The following LTBP2 variants were observed in gnomAD, a reference collection of about 807,000 sequenced individuals.
The protein encoded by LTBP2 is latent transforming growth factor beta binding protein 2.
LTBP2 carries 103 observed loss-of-function variants against 210.6 expected under a neutral mutation model. The observed-to-expected ratio is 0.49, with a 90% CI of 0.42 to 0.58. The LOEUF is 0.58. LTBP2 is among the 20% of genes least tolerant of loss of function. The probability of loss-of-function intolerance (pLI) is 0.00; values close to 1 mark genes in which losing one functional copy is unlikely to be tolerated. For synonymous variants in LTBP2, 1,007 were observed against 1,015.0 expected (o/e 0.99, Z 0.15); for missense variants, 2,313 against 2,494.5 (o/e 0.93, Z 1.55).
At chr14:74,600,260 G>T (rs1417711715) in intron 2 of LTBP2, among the ~76,000 whole-genome samples, 1 of 152,248 alleles carries the variant, frequency 6.6e-6, no homozygotes, top group Non-Finnish European at 1.5e-5. Flanking sequence ...CCACGGGCGA[G>T]CCAACTTCAA....
At chr14:74,590,469 G>T (rs567693024) in intron 2 of LTBP2, among the ~76,000 whole-genome samples, 1 of 152,318 alleles carries the variant, frequency 6.6e-6, no homozygotes, top group South Asian at 2.1e-4. Flanking sequence ...ACCAGGTGTG[G>T]TGGCAGGTGC....
chr14:74,541,721 C>A (rs760724917), intron 8 of LTBP2, among the ~76,000 whole-genome samples: 1 of 151,684 alleles, frequency 6.6e-6, no homozygotes, highest in Admixed American at 6.6e-5. Flanking sequence ...TCCTAGGAAA[C>A]CTCTACCCTG....
intron 3 of LTBP2, among the ~76,000 whole-genome samples, chr14:74,561,116 C>T (rs560398533): frequency 9.2e-5 from 14 of 152,094 alleles, no homozygotes; most frequent in Non-Finnish European, 1.5e-4. Flanking sequence ...GTCAGGAGTT[C>T]GAGACCAGCC....
chr14:74,528,885 C>A, intron 11 of LTBP2, 73 bp downstream of exon 11: 1 of 1,576,222 alleles, frequency 6.3e-7, no homozygotes. Flanking sequence ...GGGAAGTCTA[C>A]CCAGGCCTGG....
intron 25 of LTBP2, 43 bp from the exon 26 acceptor site, chr14:74,507,353 G>C: frequency 6.2e-7 from 1 of 1,613,148 alleles, no homozygotes; most frequent in Non-Finnish European, 8.5e-7. Flanking sequence ...GAGGTGGCCA[G>C]GTCACTGCTG....
At chr14:74,507,426 T>C in intron 25 of LTBP2, 116 bp from the exon 26 acceptor site, 1 of 1,400,258 alleles carries the variant, frequency 7.1e-7, no homozygotes, top group Non-Finnish European at 1.0e-6. Context: ...ATTACTGTGC[T>C]CATCCCAACC....
chr14:74,510,802 G>A (rs147386723), intron 19 of LTBP2, among the ~76,000 whole-genome samples: 1 of 152,218 alleles, frequency 6.6e-6, no homozygotes, highest in Non-Finnish European at 1.5e-5. Context: ...AAGAGCACAC[G>A]CCTCCTACTG....
chr14:74,569,129 T>C (rs2139769957), intron 3 of LTBP2, among the ~76,000 whole-genome samples: 1 of 129,306 alleles, frequency 7.7e-6, no homozygotes, highest in East Asian at 2.5e-4. Flanking sequence ...AGTCATCTAG[T>C]GCCTGGAATG....
chr14:74,524,751 G>C (rs1429368867), intron 15 of LTBP2, among the ~76,000 whole-genome samples: 1 of 152,218 alleles, frequency 6.6e-6, no homozygotes, highest in Non-Finnish European at 1.5e-5. Context: ...CAGGCACTCT[G>C]CTGACTCAGG....
At chr14:74,543,520 G>GCCTTCCTTCCCTTTTTCCTT (rs1403665741) in intron 8 of LTBP2, among the ~76,000 whole-genome samples, 2 of 128,542 alleles carry the variant, frequency 1.6e-5, no homozygotes, top group Admixed American at 1.4e-4. Context: ...CTGCCTGCCT[G>GCCTTCCTTCCCTTTTTCCTT]CCTGCCTTCC....
intron 2 of LTBP2, among the ~76,000 whole-genome samples, chr14:74,595,215 C>T (rs536374536): frequency 1.3e-5 from 2 of 152,316 alleles, no homozygotes; most frequent in East Asian, 1.9e-4. Flanking sequence ...CAGCATGGAC[C>T]GCCCTGTTAA....
At chr14:74,603,939 C>T (rs1056752153) in intron 1 of LTBP2, among the ~76,000 whole-genome samples, 1 of 152,050 alleles carries the variant, frequency 6.6e-6, no homozygotes, top group Non-Finnish European at 1.5e-5. Context: ...ACAATAGCTG[C>T]TTAATTGAGT....
intron 2 of LTBP2, among the ~76,000 whole-genome samples, chr14:74,590,551 T>G (rs1449640715): frequency 1.3e-5 from 2 of 152,080 alleles, no homozygotes; most frequent in African/African-American, 4.8e-5. Context: ...GAGATCGTGC[T>G]ACTGCACTCC....
rs544353200 is a variant in LTBP2 at position 74,526,231 on chromosome 14, C to T, written c.2389-117G>A. The T allele has an allele frequency of 3.3e-4, 331 of 1,009,518 alleles. 1 individual carries two copies. Among genetic ancestry groups the T allele is most frequent in the Admixed American group, 5.6e-4 (28 of 50,288 alleles). 62.5% of individuals were successfully genotyped at this position (1,009,518 alleles called of 1,614,324 possible). A position where few individuals can be genotyped will look rare whatever the true frequency, so the allele number is the denominator to read the frequency against. On this transcript the variant is annotated intron_variant, in intron 13 of 35. Coordinates refer to ENST00000261978, the MANE Select transcript of LTBP2 (RefSeq NM_000428.3). ...CCTACCAGGAGCTCATTCATGTTTT[C>T]ATTCATTCCAGGTATTGATGAGTTC... is the stretch of plus-strand genomic sequence containing the variant.
intron 20 of LTBP2, 47 bp downstream of exon 20, chr14:74,510,044 C>A (rs750627013): frequency 1.2e-6 from 2 of 1,613,728 alleles, no homozygotes; most frequent in Admixed American, 3.3e-5. Flanking sequence ...GAGGGAGCCA[C>A]AAGCTGGATC....
intron 18 of LTBP2, among the ~76,000 whole-genome samples, 165 bp from the exon 19 acceptor site, chr14:74,511,529 C>T (rs946258689): frequency 1.3e-5 from 2 of 152,180 alleles, no homozygotes; most frequent in Non-Finnish European, 2.9e-5. Flanking sequence ...CCACCTCTCA[C>T]CCACCGTCTG....
intron 27 of LTBP2, among the ~76,000 whole-genome samples, 183 bp downstream of exon 27, chr14:74,506,515 C>T (rs953464069): frequency 5.3e-5 from 8 of 152,254 alleles, no homozygotes; most frequent in Non-Finnish European, 1.0e-4. Context: ...CTGTGCTTCC[C>T]CTTACCCGCC....
At chr14:74,582,180 C>A (rs145592675) in intron 3 of LTBP2, among the ~76,000 whole-genome samples, 6 of 152,078 alleles carry the variant, frequency 3.9e-5, no homozygotes, top group Admixed American at 1.3e-4. Context: ...GTCCTCAGGT[C>A]TAGAGCAAAC....
chr14:74,553,087 G>C (rs748069569), intron 4 of LTBP2, 25 bp from the exon 5 acceptor site: 2 of 1,612,322 alleles, frequency 1.2e-6, no homozygotes, highest in Non-Finnish European at 1.7e-6. Flanking sequence ...CTTGGGTCCA[G>C]GGGGCAGGGC....
Sources: gnomAD v4.1 joint callset for allele counts (sites outside exome capture counted in the v4.1 genomes callset) on GRCh38, gnomAD v4.1.1 for gene constraint, MANE v1.5 for transcripts, NCBI Gene and HGNC (gene_info 2026-07-23, HGNC 2026-07-21) for gene names.